CDHR2: variants seen among roughly 807,000 people sequenced by gnomAD.
The protein encoded by CDHR2 is cadherin-related family member 2.
A neutral mutation model predicts 138.6 loss-of-function variants in CDHR2; 104 were observed. The ratio of observed to expected loss-of-function variants is 0.75; its 90% CI spans 0.64 to 0.88. CDHR2 has a LOEUF of 0.88. CDHR2 is among the 40% of genes least tolerant of loss of function. The probability of loss-of-function intolerance (pLI) is 0.00; values close to 1 mark genes in which losing one functional copy is unlikely to be tolerated. For missense variants in CDHR2, 1,624 were observed against 1,727.6 expected, an observed-to-expected ratio of 0.94 and a Z score of 1.06; for synonymous variants, 755 against 742.8, an observed-to-expected ratio of 1.02 and a Z score of -0.27.
chr5:176,550,221 T>C (rs1757675644), intron 1 of CDHR2, among the ~76,000 whole-genome samples: 1 of 152,210 alleles, frequency 6.6e-6, no homozygotes, highest in African/African-American at 2.4e-5. Context: ...TCACTCTGCT[T>C]CTCAGCAGGG....
chr5:176,565,670 A>G lies in CDHR2; in HGVS notation c.53-2A>G, dbSNP rs1490542768. The G allele has an allele frequency of 4.3e-6, 7 of 1,613,398 alleles. No individual in the cohort carries two copies. Among genetic ancestry groups the G allele is most frequent in the Non-Finnish European group, 5.1e-6 (6 of 1,179,630 alleles). On this transcript the variant is annotated splice_acceptor_variant, in intron 2 of 31. Transcript: ENST00000261944. LOFTEE classifies it high-confidence loss of function. Reference sequence around the variant, plus strand: ...ATGTTCCAGCACACTGTGTCCCTACAGTGGCAGCCAACGTGGCCCCGAAGT... The same window carrying G: ...ATGTTCCAGCACACTGTGTCCCTACGGTGGCAGCCAACGTGGCCCCGAAGT...
Position 176,581,399 on chromosome 5 carries a change from G to A in CDHR2, c.1875G>A (p.Leu625=). The change falls in exon 17 of 32, where the codon CTG becomes CTA. Residue 625 remains leucine, a synonymous_variant. Transcript: ENST00000261944. ...TNNSRLLFNL[L]PGPYSHNFSL... ...ACAGCCGTCTGCTCTTCAACCTGCT[G>A]CCTGGCCCCTACAGCCACAACTTCT... 1 of 1,614,116 alleles carries A rather than the reference G, an allele frequency of 6.2e-7. No homozygotes were observed. Among genetic ancestry groups the A allele is most frequent in the Non-Finnish European group, 8.5e-7 (1 of 1,180,040 alleles).
rs1451534035 is a variant in CDHR2, at chr5:176,543,903, C to G, written c.-16+1134C>G. 6.6e-6 allele frequency among the ~76,000 whole-genome samples: 1 copy of G among 152,226 alleles called. No homozygotes were observed. Among genetic ancestry groups the G allele is most frequent in the Non-Finnish European group, 1.5e-5 (1 of 68,038 alleles). On this transcript the variant is annotated intron_variant, in intron 1 of 31. Coordinates refer to the CDHR2 transcript ENST00000510636. This position sits in a 1 kb window ranked among gnomAD's most constrained non-coding sequence, Gnocchi z 4.0. The stretch of plus-strand genomic sequence containing the variant: ...TCGGGAGGGATTACGTTCCCCGCAA[C>G]CCCTGTGTCCCCATCGCTAGAGCCA...
intron 1 of CDHR2, 147 bp from the exon 2 acceptor site, chr5:176,565,191 G>A: frequency 1.6e-6 from 1 of 643,616 alleles, no homozygotes; most frequent in Non-Finnish European, 2.8e-6. Context: ...AGAGCATCTG[G>A]AAAATGGACA....
chr5:176,578,668 G>T, intron 16 of CDHR2, 60 bp downstream of exon 16: 1 of 1,591,196 alleles, frequency 6.3e-7, no homozygotes, highest in South Asian at 1.1e-5. Context: ...CCTGCTCTGT[G>T]GGCATGCTGG....
chr5:176,585,778 T>C (rs536793498), intron 19 of CDHR2, among the ~76,000 whole-genome samples, 176 bp from the exon 20 acceptor site: 3 of 142,494 alleles, frequency 2.1e-5, no homozygotes, highest in Non-Finnish European at 4.6e-5. Flanking sequence ...CTGCGGGGCA[T>C]GGGGTTGAGG....
At chr5:176,544,467 T>C (rs1010538200), upstream of CDHR2, among the ~76,000 whole-genome samples, 4 of 150,576 alleles carry the variant, frequency 2.7e-5, no homozygotes, top group Non-Finnish European at 5.9e-5. Context: ...TTTGACGGAG[T>C]CTTACTTTGT....
At chr5:176,579,990 G>A (rs895019477) in intron 16 of CDHR2, among the ~76,000 whole-genome samples, 1 of 152,170 alleles carries the variant, frequency 6.6e-6, no homozygotes, top group Non-Finnish European at 1.5e-5. Flanking sequence ...GGGAGGCATC[G>A]GGGTGAGGGA....
chr5:176,556,749 G>A (rs1757836204), intron 1 of CDHR2: 1 of 152,218 alleles, frequency 6.6e-6, no homozygotes, highest in South Asian at 2.1e-4. Context: ...TATCACAACA[G>A]GTTACAGATT....
intron 4 of CDHR2, 22 bp downstream of exon 4, chr5:176,568,839 G>A (rs756296294): frequency 1.2e-6 from 2 of 1,613,638 alleles, no homozygotes; most frequent in Admixed American, 1.7e-5. Flanking sequence ...CAGCCGGAGA[G>A]GGCACGGGAC....
chr5:176,577,059 G>A (rs780437595), intron 12 of CDHR2, among the ~76,000 whole-genome samples: 1 of 149,986 alleles, frequency 6.7e-6, no homozygotes, highest in African/African-American at 2.4e-5. Context: ...GTGGGGTGAC[G>A]TAGGGTGTGA....
At chr5:176,580,701 C>T (rs962188984) in intron 16 of CDHR2, among the ~76,000 whole-genome samples, 2 of 151,232 alleles carry the variant, frequency 1.3e-5, no homozygotes, top group African/African-American at 4.9e-5. Context: ...ATGGTGAAAC[C>T]CCATCTCTAC....
chr5:176,576,368 C>T lies in CDHR2; in HGVS notation c.1194+183C>T, dbSNP rs889757655. Among the ~76,000 whole-genome samples, 2 of 151,934 alleles carry T rather than the reference C, an allele frequency of 1.3e-5. No homozygotes were observed. The highest frequency in any genetic ancestry group is 3.9e-4 in the East Asian group (2 of 5,176). ...TTGGTAAGCAGTATCATCCTCTGGG[C>T]GATCCGTGTGGGGCTGAATAGAAGG... On this transcript the variant is annotated intron_variant, in intron 12 of 31. Transcript: ENST00000261944. The surrounding 1 kb of genome is among the most constrained non-coding windows in gnomAD (Gnocchi z 4.5).
At position 176,590,165 on chromosome 5, in the gene CDHR2, G is replaced by A. The variant is rs753176814; in HGVS notation, c.3275+19G>A. 3.7e-5 allele frequency: 60 copies of A among 1,612,580 alleles called. No homozygotes were observed. The Middle Eastern group carries it at 4.9e-4, about 13-fold the overall frequency. ...CAGCTCGGTGAGTGCCCAGAGGCCT[G>A]GGGGTGGGGTTGAGGGGGAGAAGCG... is the stretch of plus-strand genomic sequence containing the variant. On this transcript the variant is annotated intron_variant, in intron 25 of 31. Coordinates refer to ENST00000261944, the MANE Select transcript of CDHR2 (RefSeq NM_017675.6).
chr5:176,591,546 G>C, intron 30 of CDHR2, 62 bp downstream of exon 30: 1 of 1,173,936 alleles, frequency 8.5e-7, no homozygotes, highest in Non-Finnish European at 1.3e-6. Flanking sequence ...TGACGGTGGT[G>C]GTGGTGATGG....
chr5:176,555,705 G>A (rs1168797251), intron 1 of CDHR2, among the ~76,000 whole-genome samples: 5 of 152,068 alleles, frequency 3.3e-5, no homozygotes, highest in African/African-American at 9.7e-5. Context: ...TCAGGAGTTC[G>A]AGACCAGCCT....
At chr5:176,583,683 C>T (rs1166570190) in intron 17 of CDHR2, among the ~76,000 whole-genome samples, 1 of 152,120 alleles carries the variant, frequency 6.6e-6, no homozygotes, top group Non-Finnish European at 1.5e-5. Context: ...TCTGCAGGTC[C>T]CCGGAGCCCA....
chr5:176,568,313 G>C (rs1170104209), intron 3 of CDHR2, among the ~76,000 whole-genome samples: 1 of 152,212 alleles, frequency 6.6e-6, no homozygotes, highest in Non-Finnish European at 1.5e-5. Context: ...GTCCTGGAAG[G>C]CTCTCCAAAG....
At chr5:176,593,158 C>G (rs34977067) in intron 31 of CDHR2, among the ~76,000 whole-genome samples, 44,982 of 152,130 alleles carry the variant, frequency 0.3, 6,849 homozygotes, top group African/African-American at 0.37. Flanking sequence ...GGTGGGAAAG[C>G]AGATCCAGAG....
Sources: gnomAD v4.1 joint callset for allele counts (sites outside exome capture counted in the v4.1 genomes callset) on GRCh38, gnomAD v4.1.1 for gene constraint, Gnocchi (gnomAD v3.1) non-coding constraint, MANE v1.5 for transcripts, NCBI Gene and HGNC (gene_info 2026-07-23, HGNC 2026-07-21) for gene names.